PLEKHA7: variants seen among roughly 807,000 people sequenced by gnomAD.
PLEKHA7 encodes the protein pleckstrin homology domain-containing family A member 7.
PLEKHA7 carries 104 observed loss-of-function variants against 170.0 expected under a neutral mutation model. That is an observed-to-expected ratio of 0.61 (90% CI 0.52 to 0.72). The LOEUF is 0.72. Among genes scored for constraint, PLEKHA7 ranks in the 30% least tolerant of loss-of-function variants. The probability of loss-of-function intolerance (pLI) is 0.00; values close to 1 mark genes in which losing one functional copy is unlikely to be tolerated. For missense variants in PLEKHA7, 1,615 were observed against 1,671.7 expected (o/e 0.97, Z 0.59); for synonymous variants, 648 against 660.8 (o/e 0.98, Z 0.30).
At chr11:16,962,376 G>A (rs1300435902) in intron 3 of PLEKHA7, among the ~76,000 whole-genome samples, 5 of 152,192 alleles carry the variant, frequency 3.3e-5, no homozygotes, top group East Asian at 3.8e-4. Flanking sequence ...TCTTTCCACC[G>A]TGGTTATTAT....
chr11:16,941,598 T>G (rs1860696731), intron 3 of PLEKHA7, among the ~76,000 whole-genome samples: 1 of 152,234 alleles, frequency 6.6e-6, no homozygotes, highest in Non-Finnish European at 1.5e-5. Flanking sequence ...TGCTAAGAGC[T>G]TTATAGGCAT....
chr11:16,843,486 T>C (rs376456), intron 8 of PLEKHA7, among the ~76,000 whole-genome samples: 99,336 of 152,210 alleles, frequency 0.65, 32,748 homozygotes, highest in East Asian at 0.87. Flanking sequence ...TGAGTCCATC[T>C]GGCTCAGTGC....
intron 3 of PLEKHA7, among the ~76,000 whole-genome samples, chr11:17,012,680 T>G (rs1865388611): frequency 6.6e-6 from 1 of 152,232 alleles, no homozygotes. Flanking sequence ...TTCTGTTTTT[T>G]GTTCCCAATG....
chr11:16,854,798 T>A, intron 6 of PLEKHA7, 91 bp downstream of exon 6: 1 of 1,085,072 alleles, frequency 9.2e-7, no homozygotes, highest in Non-Finnish European at 1.4e-6. Context: ...AGAAAGCTTA[T>A]GTGCCCATCC....
In PLEKHA7 at chr11:16,791,162, A is replaced by G; in HGVS notation, c.2783T>C (p.Leu928Pro). 2 of 1,608,194 alleles carry G rather than the reference A, an allele frequency of 1.2e-6. No individual in the cohort carries two copies. The highest frequency in any genetic ancestry group is 2.2e-5 in the South Asian group (2 of 90,750). Residue 928 changes from leucine (L) to proline (P), a missense_variant, in exon 20 of 27, where the codon CTC becomes CCC. By Grantham distance (98) the Leu-to-Pro change is moderately conservative. Transcript: ENST00000531066. This position sits in a 1 kb window ranked among gnomAD's most constrained non-coding sequence, Gnocchi z 4.5. ...EAPPRPPLPE[L>P]YSPEDQPPAV... ...CGGGGGCTGGTCCTCTGGGCTGTAGAGTTCGGGGAGTGGGGGCCTGGGAGG... is the reference window on the plus strand; with the variant it reads ...CGGGGGCTGGTCCTCTGGGCTGTAGGGTTCGGGGAGTGGGGGCCTGGGAGG...
At chr11:16,813,191 A>G in intron 12 of PLEKHA7, 25 bp from the exon 13 acceptor site, 1 of 1,606,734 alleles carries the variant, frequency 6.2e-7, no homozygotes, top group East Asian at 2.2e-5. Flanking sequence ...GAGAGGAAAA[A>G]ACACAGTTAT....
At chr11:16,998,153 C>G (rs1414080796) in intron 3 of PLEKHA7, among the ~76,000 whole-genome samples, 1 of 152,152 alleles carries the variant, frequency 6.6e-6, no homozygotes, top group Non-Finnish European at 1.5e-5. Flanking sequence ...GAACAGTGTA[C>G]GTGTGAACAG....
chr11:16,920,094 T>G (rs1338594442), intron 3 of PLEKHA7, among the ~76,000 whole-genome samples: 2 of 152,200 alleles, frequency 1.3e-5, no homozygotes, highest in African/African-American at 4.8e-5. Context: ...TTCACAAGGT[T>G]GATGGGGGAT....
At chr11:16,924,495 G>A (rs1859343434) in intron 3 of PLEKHA7, among the ~76,000 whole-genome samples, 5 of 152,210 alleles carry the variant, frequency 3.3e-5, no homozygotes, top group Admixed American at 1.3e-4. Flanking sequence ...TCTGGAAGCT[G>A]CCTTGAGGAA....
intron 3 of PLEKHA7, among the ~76,000 whole-genome samples, chr11:16,887,797 G>C (rs2135885691): frequency 6.6e-6 from 1 of 152,340 alleles, no homozygotes; most frequent in Non-Finnish European, 1.5e-5. Context: ...CGAGATTCCA[G>C]CCTCTGCCCA....
At chr11:17,013,935 G>C in intron 3 of PLEKHA7, 54 bp downstream of exon 3, 1 of 1,431,310 alleles carries the variant, frequency 7.0e-7, no homozygotes. Context: ...CGGGAACGGG[G>C]AGGGACCCCC....
rs374368190 is a variant in PLEKHA7, at chr11:16,915,879, T to G, written c.222-44697A>C. On this transcript the variant is annotated intron_variant, in intron 3 of 26. Transcript: ENST00000531066. ...TTATAGTCCTTTGGGTATATACCCATTAATGGGATGGCTGGGTCAAATGGT... is the reference window on the plus strand; with the variant it reads ...TTATAGTCCTTTGGGTATATACCCAGTAATGGGATGGCTGGGTCAAATGGT... Among the ~76,000 whole-genome samples the G allele has an allele frequency of 9.5e-3, 1,398 of 147,770 alleles. 23 individuals carry two copies. Among genetic ancestry groups the G allele is most frequent in the African/African-American group, 0.035 (1,318 of 38,008 alleles).
chr11:16,927,589 C>G (rs1261716689), intron 3 of PLEKHA7, among the ~76,000 whole-genome samples: 1 of 152,158 alleles, frequency 6.6e-6, no homozygotes, highest in Non-Finnish European at 1.5e-5. Context: ...ACAAAAAAGG[C>G]ATGCTATGCA....
intron 3 of PLEKHA7, among the ~76,000 whole-genome samples, chr11:16,937,091 TAAC>T (rs1014684274): frequency 7.2e-5 from 11 of 152,220 alleles, no homozygotes; most frequent in Non-Finnish European, 2.9e-5. Flanking sequence ...TCGTTGTTAT[TAAC>T]AATCTCCAAA....
chr11:16,845,898 T>G (rs1386678707), intron 8 of PLEKHA7, among the ~76,000 whole-genome samples: 1 of 151,996 alleles, frequency 6.6e-6, no homozygotes, highest in Non-Finnish European at 1.5e-5. Flanking sequence ...GCCTTGGCAA[T>G]GGACTGGATA....
intron 3 of PLEKHA7, among the ~76,000 whole-genome samples, chr11:16,924,895 C>A (rs1343448826): frequency 4.6e-5 from 7 of 152,220 alleles, no homozygotes; most frequent in Non-Finnish European, 1.0e-4. Context: ...CAGCCCTATG[C>A]CCGCGGGCTT....
rs1402182253 is a variant in PLEKHA7 at position 16,841,649 on chromosome 11, A to G, written c.770T>C (p.Met257Thr). ...GTCGGCACTGAAGTAGTAGGTCCTC[A>G]TGCCTGACTGCTCGGCCTGAGAGCC... ...TAGSQAEQSGMRTYYFSADTQ... is the reference protein window; with the variant it reads ...TAGSQAEQSGTRTYYFSADTQ... The change falls in exon 9 of 27, where the codon ATG (methionine) becomes ACG (threonine). Residue 257 changes from methionine to threonine, a missense_variant. Coordinates refer to ENST00000531066, the MANE Select transcript of PLEKHA7 (RefSeq NM_001329630.2). The G allele has an allele frequency of 2.5e-6, 4 of 1,614,020 alleles. No homozygotes were observed. Among genetic ancestry groups the G allele is most frequent in the Non-Finnish European group, 3.4e-6 (4 of 1,180,026 alleles).
intron 26 of PLEKHA7, among the ~76,000 whole-genome samples, chr11:16,781,384 G>A (rs1453635525): frequency 6.6e-6 from 1 of 152,184 alleles, no homozygotes; most frequent in East Asian, 1.9e-4. Flanking sequence ...GCAATAAGGA[G>A]GCCGAGGATG....
Position 16,826,310 on chromosome 11 carries a change from G to A in PLEKHA7, c.1153C>T (p.Gln385Ter). 1 of 1,614,244 alleles carries A rather than the reference G, an allele frequency of 6.2e-7. No homozygotes were observed. The change falls in exon 10 of 27, where the codon CAG becomes TAG. Residue 385 changes from glutamine (Q) to a stop codon, truncating the protein, a stop_gained. Transcript: ENST00000531066. LOFTEE classifies it high-confidence loss of function. ...MDLPTGPRGQ[Q>*]AQPQRAEKNG... The stretch of plus-strand genomic sequence containing the variant: ...TTCTCTGCCCGTTGGGGCTGTGCCT[G>A]CTGGCCTCTTGGGCCAGTGGGTAAA...
Sources: gnomAD v4.1 joint callset for allele counts (sites outside exome capture counted in the v4.1 genomes callset) on GRCh38, gnomAD v4.1.1 for gene constraint, Gnocchi (gnomAD v3.1) non-coding constraint, MANE v1.5 for transcripts, NCBI Gene and HGNC (gene_info 2026-07-23, HGNC 2026-07-21) for gene names.